ADAMTS2: variants seen among roughly 807,000 people sequenced by gnomAD.
ADAMTS2 encodes the protein A disintegrin and metalloproteinase with thrombospondin motifs 2.
A neutral mutation model predicts 123.0 loss-of-function variants in ADAMTS2; 50 were observed. That is an observed-to-expected ratio of 0.41 (90% CI 0.32 to 0.51). The LOEUF (loss-of-function observed/expected upper bound fraction) is 0.51, where lower values mean the gene tolerates loss of function less well. Among genes scored for constraint, ADAMTS2 ranks in the 20% least tolerant of loss-of-function variants. ADAMTS2 has a pLI of 0.35. For missense variants in ADAMTS2, 1,494 were observed against 1,705.2 expected (o/e 0.88, Z 2.18); for synonymous variants, 678 against 695.4 (o/e 0.98, Z 0.39).
At chr5:179,133,824 G>C (rs975186810) in intron 13 of ADAMTS2, among the ~76,000 whole-genome samples, 2 of 149,714 alleles carry the variant, frequency 1.3e-5, no homozygotes, top group Non-Finnish European at 3.0e-5. Flanking sequence ...GTTCAAGTGA[G>C]TCTCCTGCCT....
intron 2 of ADAMTS2, among the ~76,000 whole-genome samples, chr5:179,338,528 C>A (rs1757683948): frequency 1.3e-5 from 2 of 152,192 alleles, no homozygotes; most frequent in South Asian, 4.1e-4. Context: ...ATTGCCCCAC[C>A]CTCCCAGGGG....
At chr5:179,341,376 G>A (rs765830545) in intron 2 of ADAMTS2, 56 of 353,420 alleles carry the variant, frequency 1.6e-4, no homozygotes, top group South Asian at 3.4e-4. Context: ...AAGGAAGGAA[G>A]GAAAGAGAAG....
intron 5 of ADAMTS2, among the ~76,000 whole-genome samples, chr5:179,161,602 G>A (rs916606938): frequency 6.6e-6 from 1 of 152,172 alleles, no homozygotes; most frequent in Admixed American, 6.5e-5. Flanking sequence ...GGGGGAATAA[G>A]CGTTAGTGCC....
At chr5:179,309,757 C>CAAAAA (rs34487269) in intron 2 of ADAMTS2, among the ~76,000 whole-genome samples, 4 of 44,446 alleles carry the variant, frequency 9.0e-5, no homozygotes, top group Non-Finnish European at 1.3e-4. Flanking sequence ...ACTCAGTCTC[C>CAAAAA]AAAAAAAAAA....
At chr5:179,243,393 G>C (rs1765710578) in intron 3 of ADAMTS2, among the ~76,000 whole-genome samples, 1 of 152,148 alleles carries the variant, frequency 6.6e-6, no homozygotes, top group Non-Finnish European at 1.5e-5. Context: ...TCAGAGAAAG[G>C]GACAGTCATA....
At chr5:179,208,140 G>C (rs1764757375) in intron 3 of ADAMTS2, among the ~76,000 whole-genome samples, 1 of 101,480 alleles carries the variant, frequency 9.9e-6, no homozygotes, top group African/African-American at 2.7e-5. Flanking sequence ...AGTGGGCAGA[G>C]CCACCCCTTG....
intron 17 of ADAMTS2, among the ~76,000 whole-genome samples, chr5:179,126,347 C>T (rs1286275042): frequency 6.6e-6 from 1 of 152,142 alleles, no homozygotes; most frequent in African/African-American, 2.4e-5. Flanking sequence ...CCATTTTCTC[C>T]CCTAGGCTGC....
intron 2 of ADAMTS2, among the ~76,000 whole-genome samples, chr5:179,289,231 C>T (rs1158448908): frequency 1.3e-5 from 2 of 152,194 alleles, no homozygotes; most frequent in Non-Finnish European, 2.9e-5. Flanking sequence ...CTGGAAGGTG[C>T]TTTCGGTGGT....
chr5:179,288,126 G>A lies in ADAMTS2; in HGVS notation c.535-15062C>T, dbSNP rs527506412. On this transcript the variant is annotated intron_variant, in intron 2 of 21. Transcript: ENST00000251582. Reference sequence around the variant, plus strand: ...TTCCATCACAGGCTGTCATCTCCCCGGGTCCCTGGGCCACAGGCCCCTCTC... The same window carrying A: ...TTCCATCACAGGCTGTCATCTCCCCAGGTCCCTGGGCCACAGGCCCCTCTC... 1.1e-3 allele frequency among the ~76,000 whole-genome samples: 173 copies of A among 152,278 alleles called. 2 individuals carry two copies. The highest frequency in any genetic ancestry group is 3.7e-3 in the African/African-American group (153 of 41,544).
intron 4 of ADAMTS2, among the ~76,000 whole-genome samples, chr5:179,206,732 G>A (rs550765275): frequency 6.6e-6 from 1 of 152,350 alleles, no homozygotes; most frequent in East Asian, 1.9e-4. Context: ...CTGACCACAT[G>A]AGGCAGAGAG....
chr5:179,207,475 T>TGCCCCCC lies in ADAMTS2; in HGVS notation c.891+37_891+38insGGGGGGC. ...GGCCTGCCCAGCCCCTGGTTGACCC[T>TGCCCCCC]CCCCGCCCCACCCTGCCCCCTCAGC... is the stretch of plus-strand genomic sequence containing the variant. On this transcript the variant is annotated intron_variant, in intron 4 of 21. Transcript: ENST00000251582. The TGCCCCCC allele has an allele frequency of 1.2e-3, 698 of 588,440 alleles. 19 individuals carry two copies. The highest frequency in any genetic ancestry group is 2.5e-3 in the East Asian group (65 of 26,506). The allele number at this position is 588,440 out of a possible 1,614,324, so 36.5% of individuals were successfully genotyped here.
At chr5:179,245,792 A>AACC (rs1561628689) in intron 3 of ADAMTS2, among the ~76,000 whole-genome samples, 4 of 97,002 alleles carry the variant, frequency 4.1e-5, no homozygotes, top group Admixed American at 3.7e-4. Flanking sequence ...AAAAAAAAAA[A>AACC]AAACAAAAAA....
chr5:179,198,971 G>A (rs1055371255), intron 4 of ADAMTS2, among the ~76,000 whole-genome samples: 3 of 152,200 alleles, frequency 2.0e-5, no homozygotes, highest in Admixed American at 6.5e-5. Context: ...AGAGGTGTGT[G>A]GACATGCCCA....
chr5:179,168,875 T>C (rs575722498), intron 5 of ADAMTS2, among the ~76,000 whole-genome samples: 1 of 152,286 alleles, frequency 6.6e-6, no homozygotes, highest in African/African-American at 2.4e-5. Context: ...CCACGAGAGC[T>C]GGGGCAGGAG....
rs919528744 is a variant in ADAMTS2 at position 179,228,454 on chromosome 5, T to G, written c.689-20739A>C. ...AATTGGGGGTGGACTTGCCCCAGCC[T>G]GAAGACCTCCGGGGCCCTGGCTCCT... On this transcript the variant is annotated intron_variant, in intron 3 of 21. Transcript: ENST00000251582. This position sits in a 1 kb window ranked among gnomAD's most constrained non-coding sequence, Gnocchi z 5.2. 6.6e-6 allele frequency among the ~76,000 whole-genome samples: 1 copy of G among 152,184 alleles called. No homozygotes were observed. The highest frequency in any genetic ancestry group is 1.5e-5 in the Non-Finnish European group (1 of 68,030).
rs988738962 is a variant in ADAMTS2 at position 179,181,402 on chromosome 5, G to T, written c.892-247C>A. On this transcript the variant is annotated intron_variant, in intron 4 of 21. Transcript: ENST00000251582. The surrounding 1 kb of genome is among the most constrained non-coding windows in gnomAD (Gnocchi z 4.1). ...GAGCAACCCCACCCACCAGCCCAGG[G>T]TTTCCTCACCTGGGGCCTGAACATG... Among the ~76,000 whole-genome samples, 8 of 152,098 alleles carry T rather than the reference G, an allele frequency of 5.3e-5. No homozygotes were observed. Among genetic ancestry groups the T allele is most frequent in the Non-Finnish European group, 1.0e-4 (7 of 68,018 alleles).
chr5:179,153,714 A>G (rs1288668828), intron 8 of ADAMTS2, 91 bp from the exon 9 acceptor site: 2 of 1,498,008 alleles, frequency 1.3e-6, no homozygotes, highest in African/African-American at 2.7e-5. Context: ...TGGAGCTGCC[A>G]TGGCAGCCCT....
chr5:179,318,772 T>A (rs1442120461), intron 2 of ADAMTS2, among the ~76,000 whole-genome samples: 1 of 151,596 alleles, frequency 6.6e-6, no homozygotes, highest in Non-Finnish European at 1.5e-5. Context: ...GAAACACTGA[T>A]GTCGCTGTTT....
chr5:179,134,938 TC>T (rs1763034429), intron 13 of ADAMTS2, among the ~76,000 whole-genome samples: 1 of 44,090 alleles, frequency 2.3e-5, no homozygotes, highest in Non-Finnish European at 4.5e-5. Context: ...AGCCCCCAGC[TC>T]CCGACTCCAG....
Sources: allele counts gnomAD v4.1 joint callset (sites outside exome capture counted in the v4.1 genomes callset), GRCh38; gene constraint gnomAD v4.1.1; non-coding constraint Gnocchi (gnomAD v3.1); transcripts MANE v1.5; gene names NCBI Gene and HGNC (gene_info 2026-07-23, HGNC 2026-07-21).